The following TGFBR2 variants were observed in gnomAD, a reference collection of about 807,000 sequenced individuals.
The protein encoded by TGFBR2 is transforming growth factor beta receptor 2.
TGFBR2 carries 18 observed loss-of-function variants against 49.0 expected under a neutral mutation model. The observed-to-expected ratio is 0.37, with a 90% CI of 0.25 to 0.54. The LOEUF (loss-of-function observed/expected upper bound fraction) is 0.54, where lower values mean the gene tolerates loss of function less well. Ranked by LOEUF, TGFBR2 falls within the 20% of genes least tolerant of loss-of-function variation. The pLI is 0.85. For synonymous variants in TGFBR2, 282 were observed against 275.9 expected (o/e 1.02, Z -0.22); for missense variants, 525 against 722.6 (o/e 0.73, Z 3.13).
At chr3:30,631,105 G>A (rs114309960) in intron 1 of TGFBR2, among the ~76,000 whole-genome samples, 7,191 of 146,374 alleles carry the variant, frequency 0.049, 333 homozygotes, top group East Asian at 0.26. Flanking sequence ...TAGTGGCACA[G>A]TCTTGGCCAT....
chr3:30,662,602 A>T (rs1462812055), intron 3 of TGFBR2, among the ~76,000 whole-genome samples: 1 of 152,220 alleles, frequency 6.6e-6, no homozygotes, highest in Non-Finnish European at 1.5e-5. Flanking sequence ...CTTCATTGCT[A>T]GTGAGCTTAC....
intron 3 of TGFBR2, among the ~76,000 whole-genome samples, chr3:30,650,663 CATT>C (rs1698865927): frequency 6.6e-6 from 1 of 152,124 alleles, no homozygotes; most frequent in African/African-American, 2.4e-5. Flanking sequence ...CTGGGGCAAA[CATT>C]ATTATTTGTC....
chr3:30,620,166 G>A (rs547924733), intron 1 of TGFBR2, among the ~76,000 whole-genome samples: 8 of 152,248 alleles, frequency 5.3e-5, no homozygotes, highest in East Asian at 3.9e-4. Context: ...CAGCCTAGGC[G>A]ACAGAGTGAG....
At chr3:30,628,198 A>G (rs1285308228) in intron 1 of TGFBR2, among the ~76,000 whole-genome samples, 2 of 151,148 alleles carry the variant, frequency 1.3e-5, no homozygotes, top group Non-Finnish European at 2.9e-5. Flanking sequence ...GGAGAAAAAT[A>G]TGCTTAAAGT....
At chr3:30,618,513 G>A (rs895877696) in intron 1 of TGFBR2, among the ~76,000 whole-genome samples, 1 of 151,042 alleles carries the variant, frequency 6.6e-6, no homozygotes, top group Non-Finnish European at 1.5e-5. Flanking sequence ...TGGGATTACA[G>A]GCACGAGCCA....
At chr3:30,654,374 A>C (rs186806483) in intron 3 of TGFBR2, among the ~76,000 whole-genome samples, 1 of 152,150 alleles carries the variant, frequency 6.6e-6, no homozygotes, top group African/African-American at 2.4e-5. Flanking sequence ...TGAACCGGGT[A>C]CCTACCCTTA....
intron 3 of TGFBR2, among the ~76,000 whole-genome samples, chr3:30,651,357 CCT>C (rs1698882316): frequency 6.6e-6 from 1 of 152,158 alleles, no homozygotes; most frequent in Non-Finnish European, 1.5e-5. Flanking sequence ...CCCACTCCAT[CCT>C]CTCTCCCAAT....
chr3:30,646,668 G>C (rs766168501), intron 2 of TGFBR2, among the ~76,000 whole-genome samples: 2 of 152,090 alleles, frequency 1.3e-5, no homozygotes, highest in Non-Finnish European at 2.9e-5. Context: ...TGAAGTTCAG[G>C]AGAGGCTGGA....
At chr3:30,657,156 T>C (rs1490861210) in intron 3 of TGFBR2, among the ~76,000 whole-genome samples, 1 of 152,188 alleles carries the variant, frequency 6.6e-6, no homozygotes, top group Non-Finnish European at 1.5e-5. Flanking sequence ...AACCAGATAA[T>C]CTTGTCTCTT....
intron 1 of TGFBR2, among the ~76,000 whole-genome samples, chr3:30,611,386 G>C: frequency 6.6e-6 from 1 of 152,214 alleles, no homozygotes; most frequent in East Asian, 1.9e-4. Context: ...TGTTTTTGAA[G>C]TATGGAATTG....
rs863223843 is a variant in TGFBR2, at chr3:30,672,303, C to G, written c.1120C>G (p.Pro374Ala). The change falls in exon 4 of 7, where the codon CCC (proline) becomes GCC (alanine). Residue 374 changes from proline (P) to alanine (A), a missense_variant. Pro to Ala is a conservative substitution (Grantham distance 27). Coordinates refer to ENST00000295754, the MANE Select transcript of TGFBR2 (RefSeq NM_003242.6). This position sits in a 1 kb window ranked among gnomAD's most constrained non-coding sequence, Gnocchi z 4.5. ...DHTPCGRPKM[P>A]IVHRDLKSSN... ...CACTCCATGTGGGAGGCCCAAGATG[C>G]CCATCGTGCACAGGGACCTCAAGAG... The G allele has an allele frequency of 6.2e-7, 1 of 1,607,820 alleles. No individual in the cohort carries two copies. Among genetic ancestry groups the G allele is most frequent in the Non-Finnish European group, 8.5e-7 (1 of 1,176,200 alleles).
chr3:30,647,879 G>C (rs1294843985), intron 2 of TGFBR2, among the ~76,000 whole-genome samples: 1 of 151,764 alleles, frequency 6.6e-6, no homozygotes, highest in African/African-American at 2.4e-5. Flanking sequence ...GGGTTTCACT[G>C]TGTTGGCCAG....
chr3:30,686,742 A>G (rs951043746), intron 5 of TGFBR2, among the ~76,000 whole-genome samples: 1 of 152,158 alleles, frequency 6.6e-6, no homozygotes, highest in Admixed American at 6.5e-5. Context: ...ATCCAGCCCA[A>G]TCTCTCCTTT....
chr3:30,625,355 C>A lies in TGFBR2; in HGVS notation c.94+18378C>A, dbSNP rs890113968. 2.0e-5 allele frequency among the ~76,000 whole-genome samples: 3 copies of A among 152,312 alleles called. No individual in the cohort carries two copies. In the South Asian group the frequency reaches 6.2e-4, roughly 32 times the overall value. Reference sequence around the variant, plus strand: ...GGAAGGCTATCCACAACTGTTAATTCTGATCTAAGGAACTATTTCCCTTCT... The same window carrying A: ...GGAAGGCTATCCACAACTGTTAATTATGATCTAAGGAACTATTTCCCTTCT... On this transcript the variant is annotated intron_variant, in intron 1 of 6. Coordinates refer to ENST00000295754, the MANE Select transcript of TGFBR2 (RefSeq NM_003242.6).
intron 1 of TGFBR2, among the ~76,000 whole-genome samples, chr3:30,609,416 T>C (rs1307646811): frequency 6.6e-6 from 1 of 152,234 alleles, no homozygotes; most frequent in Non-Finnish European, 1.5e-5. Flanking sequence ...AAGCTCCTTT[T>C]ACGTCACCTA....
chr3:30,654,421 C>T (rs1188087111), intron 3 of TGFBR2, among the ~76,000 whole-genome samples: 1 of 152,166 alleles, frequency 6.6e-6, no homozygotes, highest in African/African-American at 2.4e-5. Flanking sequence ...GTGCCAGTTC[C>T]CCTGCCTCCC....
At chr3:30,627,517 G>C (rs577135245) in intron 1 of TGFBR2, among the ~76,000 whole-genome samples, 1 of 152,064 alleles carries the variant, frequency 6.6e-6, no homozygotes, top group Non-Finnish European at 1.5e-5. Context: ...TAAAAACCCT[G>C]TATTTTGGAG....
At chr3:30,691,086 A>G (rs1005394350) in intron 6 of TGFBR2, among the ~76,000 whole-genome samples, 12 of 152,318 alleles carry the variant, frequency 7.9e-5, no homozygotes, top group South Asian at 2.1e-4. Context: ...AAGGGCCACT[A>G]CATGGGGAAT....
chr3:30,636,765 C>T (rs1462251385), intron 1 of TGFBR2, among the ~76,000 whole-genome samples: 1 of 151,332 alleles, frequency 6.6e-6, no homozygotes, highest in Non-Finnish European at 1.5e-5. Context: ...TGTGTATTCC[C>T]TTTAAAAAGC....
Sources: gnomAD v4.1 joint callset for allele counts (sites outside exome capture counted in the v4.1 genomes callset) on GRCh38, gnomAD v4.1.1 for gene constraint, Gnocchi (gnomAD v3.1) non-coding constraint, MANE v1.5 for transcripts, NCBI Gene and HGNC (gene_info 2026-07-23, HGNC 2026-07-21) for gene names.